The following ATXN7L1 variants were observed in gnomAD, a reference collection of about 807,000 sequenced individuals.
ATXN7L1 encodes the protein ataxin-7-like protein 1.
In ATXN7L1, 15 loss-of-function variants were observed where a neutral mutation model predicts 70.8. The observed-to-expected ratio is 0.21, with a 90% CI of 0.14 to 0.33. ATXN7L1 has a LOEUF of 0.33. Among genes scored for constraint, ATXN7L1 ranks in the 10% least tolerant of loss-of-function variants. ATXN7L1 has a pLI of 1.00. For synonymous variants in ATXN7L1, 440 were observed against 445.1 expected, an observed-to-expected ratio of 0.99 and a Z score of 0.14; for missense variants, 975 against 1,097.1, an observed-to-expected ratio of 0.89 and a Z score of 1.57.
Position 105,629,155 on chromosome 7 carries a change from T to C in ATXN7L1, c.1203-4888A>G, listed in dbSNP as rs775994889. Among the ~76,000 whole-genome samples, 35 of 152,036 alleles carry C rather than the reference T, an allele frequency of 2.3e-4. 1 individual carries two copies. Among genetic ancestry groups the C allele is most frequent in the Non-Finnish European group, 4.7e-4 (32 of 68,000 alleles). ...GTGAAATTTGCTTAAGATCTACTTA[T>C]TTAGCAAATTTCAAGTACATAATAC... On this transcript the variant is annotated intron_variant, in intron 7 of 11. Coordinates refer to ENST00000419735, the MANE Select transcript of ATXN7L1 (RefSeq NM_020725.2).
At chr7:105,690,487 G>A (rs999334423) in intron 3 of ATXN7L1, among the ~76,000 whole-genome samples, 16 of 152,196 alleles carry the variant, frequency 1.1e-4, no homozygotes, top group Non-Finnish European at 4.4e-5. Context: ...GGACCCATCT[G>A]TGTGGGACTC....
chr7:105,763,974 C>A lies in ATXN7L1; in HGVS notation c.355+24630G>T, dbSNP rs553948561. Among the ~76,000 whole-genome samples, 12 of 152,200 alleles carry A rather than the reference C, an allele frequency of 7.9e-5. No homozygotes were observed. The South Asian group carries it at 2.5e-3, about 32-fold the overall frequency. On this transcript the variant is annotated intron_variant, in intron 3 of 11. Transcript: ENST00000419735. ...GTTCAAGTGATTCTCCTGCCCTAGC[C>A]TCCCAAGGAGCTGGGATTACAGGTG...
chr7:105,841,921 G>C (rs551078999), intron 2 of ATXN7L1, among the ~76,000 whole-genome samples: 6 of 152,248 alleles, frequency 3.9e-5, no homozygotes, highest in Admixed American at 3.9e-4. Context: ...AGCACATAGT[G>C]GGTACTTTAT....
intron 8 of ATXN7L1, among the ~76,000 whole-genome samples, chr7:105,622,221 G>A (rs1795035726): frequency 6.6e-6 from 1 of 152,176 alleles, no homozygotes; most frequent in South Asian, 2.1e-4. Context: ...AACATTAAGG[G>A]CACACAGCTG....
At chr7:105,752,050 G>T (rs185566259) in intron 3 of ATXN7L1, among the ~76,000 whole-genome samples, 4 of 152,358 alleles carry the variant, frequency 2.6e-5, no homozygotes, top group African/African-American at 9.6e-5. Flanking sequence ...TTGACCTTTT[G>T]CAATAGTAAG....
At chr7:105,805,990 G>A (rs1807532107) in intron 2 of ATXN7L1, among the ~76,000 whole-genome samples, 2 of 152,186 alleles carry the variant, frequency 1.3e-5, no homozygotes, top group South Asian at 4.1e-4. Context: ...CTGGAACAAG[G>A]CTGGAGGTGA....
chr7:105,822,298 G>A (rs62482783), intron 2 of ATXN7L1, among the ~76,000 whole-genome samples: 32 of 152,214 alleles, frequency 2.1e-4, no homozygotes, highest in Non-Finnish European at 3.5e-4. Flanking sequence ...CATCTATAGT[G>A]TGGAAAACAT....
chr7:105,857,449 A>G (rs903332570), intron 2 of ATXN7L1, among the ~76,000 whole-genome samples: 1 of 152,210 alleles, frequency 6.6e-6, no homozygotes, highest in African/African-American at 2.4e-5. Context: ...CATTCCACAC[A>G]GAGCCCAGCC....
chr7:105,799,265 A>G (rs181758140), intron 2 of ATXN7L1, among the ~76,000 whole-genome samples: 1 of 152,328 alleles, frequency 6.6e-6, no homozygotes, highest in Admixed American at 6.5e-5. Flanking sequence ...TATTACTACA[A>G]ATGTCATCCA....
At chr7:105,754,291 C>T (rs150575984) in intron 3 of ATXN7L1, among the ~76,000 whole-genome samples, 1 of 152,288 alleles carries the variant, frequency 6.6e-6, no homozygotes, top group Non-Finnish European at 1.5e-5. Flanking sequence ...AGACCACAGA[C>T]ACTTTCTCAC....
intron 2 of ATXN7L1, among the ~76,000 whole-genome samples, chr7:105,866,520 TC>T (rs1443976581): frequency 6.6e-6 from 1 of 152,178 alleles, no homozygotes; most frequent in Non-Finnish European, 1.5e-5. Flanking sequence ...TTAAGGATGC[TC>T]CGCTGTAGCC....
intron 2 of ATXN7L1, among the ~76,000 whole-genome samples, chr7:105,835,199 G>A (rs1371929566): frequency 7.3e-6 from 1 of 136,196 alleles, no homozygotes; most frequent in Non-Finnish European, 1.5e-5. Flanking sequence ...CTGTCACCTG[G>A]GCTAAAGTGC....
chr7:105,677,519 T>G (rs1227008557), intron 3 of ATXN7L1, among the ~76,000 whole-genome samples: 1 of 152,202 alleles, frequency 6.6e-6, no homozygotes, highest in Non-Finnish European at 1.5e-5. Context: ...CTCTTTTATC[T>G]CCAGCGTTTA....
At chr7:105,715,607 G>A (rs1794445190) in intron 3 of ATXN7L1, among the ~76,000 whole-genome samples, 1 of 152,258 alleles carries the variant, frequency 6.6e-6, no homozygotes, top group South Asian at 2.1e-4. Flanking sequence ...GTCACTTGGA[G>A]CACATGCTCA....
At chr7:105,720,827 G>C (rs553010777) in intron 3 of ATXN7L1, among the ~76,000 whole-genome samples, 7 of 152,066 alleles carry the variant, frequency 4.6e-5, no homozygotes, top group Non-Finnish European at 5.9e-5. Context: ...GAAAATTCCA[G>C]GGCACTCTAC....
chr7:105,744,456 G>T (rs1310391945), intron 3 of ATXN7L1, among the ~76,000 whole-genome samples: 1 of 152,002 alleles, frequency 6.6e-6, no homozygotes, highest in Non-Finnish European at 1.5e-5. Context: ...AGGTTTCTGA[G>T]CTGCCCAGTC....
intron 2 of ATXN7L1, among the ~76,000 whole-genome samples, chr7:105,797,202 C>T (rs1345717651): frequency 6.6e-6 from 1 of 152,192 alleles, no homozygotes; most frequent in African/African-American, 2.4e-5. Flanking sequence ...CTCTTCCTGC[C>T]ACGGCTAGGC....
chr7:105,669,599 C>G (rs35252555), intron 3 of ATXN7L1, among the ~76,000 whole-genome samples: 4,801 of 152,156 alleles, frequency 0.032, 100 homozygotes, highest in South Asian at 0.064. Flanking sequence ...ACAAGCTTGT[C>G]CCCTACCAGT....
intron 2 of ATXN7L1, among the ~76,000 whole-genome samples, chr7:105,840,188 C>G (rs1813001475): frequency 6.6e-6 from 1 of 152,218 alleles, no homozygotes; most frequent in African/African-American, 2.4e-5. Flanking sequence ...CAGGGAGCCA[C>G]TGGCATGAGT....
Sources: gnomAD v4.1 joint callset for allele counts (sites outside exome capture counted in the v4.1 genomes callset) on GRCh38, gnomAD v4.1.1 for gene constraint, MANE v1.5 for transcripts, NCBI Gene and HGNC (gene_info 2026-07-23, HGNC 2026-07-21) for gene names.